CCP110: variants seen among roughly 807,000 people sequenced by gnomAD.
The protein encoded by CCP110 is centriolar coiled-coil protein 110.
In CCP110, 43 loss-of-function variants were observed where a neutral mutation model predicts 105.5. That is an observed-to-expected ratio of 0.41 (90% CI 0.32 to 0.53). CCP110 has a LOEUF of 0.53. CCP110 is among the 20% of genes least tolerant of loss of function. The probability of loss-of-function intolerance (pLI) is 0.32; values close to 1 mark genes in which losing one functional copy is unlikely to be tolerated. For missense variants in CCP110, 1,016 were observed against 1,189.1 expected, an observed-to-expected ratio of 0.85 and a Z score of 2.14; for synonymous variants, 353 against 392.1, an observed-to-expected ratio of 0.90 and a Z score of 1.18.
At chr16:19,530,682 CAA>C (rs796911104) in intron 2 of CCP110, among the ~76,000 whole-genome samples, 1 of 138,606 alleles carries the variant, frequency 7.2e-6, no homozygotes. Context: ...GACCCTCTCT[CAA>C]AAAAAAAAAA....
exon 11 of CCP110, chr16:19,545,875 G>T: frequency 6.2e-7 from 1 of 1,600,572 alleles, no homozygotes; most frequent in Non-Finnish European, 8.6e-7. Flanking sequence ...TCTCTTGATA[G>T]GAAGAAATAC....
Position 19,543,037 on chromosome 16 carries a change from T to G in CCP110, c.2484+43T>G, listed in dbSNP as rs1450715831. On this transcript the variant is annotated intron_variant, in intron 8 of 14. Coordinates refer to ENST00000381396, the Ensembl canonical transcript of CCP110. ...CGTTTGTATTTCACTTCTGTCTTAG[T>G]TTCTATCAGTCTTGTGACAGCTGAG... 3.7e-6 allele frequency: 4 copies of G among 1,094,614 alleles called. No homozygotes were observed. In the African/African-American group the frequency reaches 6.2e-5, roughly 17 times the overall value. 67.8% of individuals were successfully genotyped at this position (1,094,614 alleles called of 1,614,324 possible).
At chr16:19,524,429 G>T (rs571990339) in intron 1 of CCP110, among the ~76,000 whole-genome samples, 62 of 152,242 alleles carry the variant, frequency 4.1e-4, no homozygotes, top group Non-Finnish European at 8.7e-4. Context: ...CCCCATCGTG[G>T]TGATCAAATT....
At position 19,550,232 on chromosome 16, in the gene CCP110, A is replaced by C. The variant is rs1242361281; in HGVS notation, c.2987-964A>C. 2.0e-5 allele frequency among the ~76,000 whole-genome samples: 3 copies of C among 151,822 alleles called. No individual in the cohort carries two copies. The East Asian group carries it at 5.8e-4, about 29-fold the overall frequency. Reference sequence around the variant, plus strand: ...ATTGGTGTGATCTTGGCTCACTGCAATCTCCACCTCCTGGGTTCAAGCCAT... The same window carrying C: ...ATTGGTGTGATCTTGGCTCACTGCACTCTCCACCTCCTGGGTTCAAGCCAT... On this transcript the variant is annotated intron_variant, in intron 14 of 14. Transcript: ENST00000381396.
chr16:19,537,678 T>C, intron 4 of CCP110, 91 bp downstream of exon 4: 1 of 677,412 alleles, frequency 1.5e-6, no homozygotes. Context: ...AAGTGGTCTT[T>C]ATTCATATGG....
chr16:19,550,017 C>T (rs1455905788), intron 14 of CCP110, among the ~76,000 whole-genome samples: 1 of 152,176 alleles, frequency 6.6e-6, no homozygotes, highest in African/African-American at 2.4e-5. Flanking sequence ...TTGCAACATA[C>T]TTATTAATAC....
intron 2 of CCP110, among the ~76,000 whole-genome samples, chr16:19,528,758 G>C (rs1969762470): frequency 6.6e-6 from 1 of 152,124 alleles, no homozygotes; most frequent in South Asian, 2.1e-4. Context: ...AATTAGCCTG[G>C]CGCAGTGACA....
At chr16:19,541,271 G>C (rs200167211) in intron 5 of CCP110, among the ~76,000 whole-genome samples, 1 of 121,098 alleles carries the variant, frequency 8.3e-6, no homozygotes, top group Non-Finnish European at 1.8e-5. Context: ...TCTATAAAAA[G>C]AAAAAAAAAA....
At chr16:19,540,956 T>C (rs1273871453) in intron 5 of CCP110, among the ~76,000 whole-genome samples, 169 bp downstream of exon 5, 1 of 152,238 alleles carries the variant, frequency 6.6e-6, no homozygotes, top group Non-Finnish European at 1.5e-5. Context: ...AATTTTGATA[T>C]TTAGATCCTT....
chr16:19,529,663 T>C (rs1403333441), intron 2 of CCP110, among the ~76,000 whole-genome samples: 1 of 152,208 alleles, frequency 6.6e-6, no homozygotes, highest in Non-Finnish European at 1.5e-5. Flanking sequence ...TGTACATCTC[T>C]TAAAAATAAG....
exon 4 of CCP110, chr16:19,536,951 T>C: frequency 6.2e-7 from 1 of 1,614,226 alleles, no homozygotes. Flanking sequence ...TATGCCAAAG[T>C]TACCAACTGA....
chr16:19,528,177 T>C lies in CCP110; in HGVS notation c.141+155T>C, dbSNP rs560655648. The C allele has an allele frequency of 6.7e-4, 426 of 634,374 alleles. 4 individuals are homozygous for C. Among genetic ancestry groups the C allele is most frequent in the Non-Finnish European group, 5.1e-5 (20 of 394,540 alleles). The allele number at this position is 634,374 out of a possible 1,614,324, so 39.3% of individuals were successfully genotyped here. Reference sequence around the variant, plus strand: ...AATTAGCATTTTTTACTTACTATTATAGATTGGCCAAGACCTAATAGAACT... The same window carrying C: ...AATTAGCATTTTTTACTTACTATTACAGATTGGCCAAGACCTAATAGAACT... On this transcript the variant is annotated intron_variant, in intron 2 of 14. Transcript: ENST00000381396.
chr16:19,527,722 A>G (rs1969721618), intron 1 of CCP110, 145 bp from the exon 2 acceptor site: 2 of 464,336 alleles, frequency 4.3e-6, no homozygotes, highest in Non-Finnish European at 7.4e-6. Context: ...CCCAAGAATT[A>G]GCTCCTGATC....
chr16:19,544,195 A>G (rs1055639656), intron 8 of CCP110, among the ~76,000 whole-genome samples: 1 of 152,208 alleles, frequency 6.6e-6, no homozygotes, highest in African/African-American at 2.4e-5. Context: ...CACTTATGAA[A>G]AATAGAAAGA....
chr16:19,523,997 G>C (rs1969574702), exon 1 of CCP110: 1 of 154,088 alleles, frequency 6.5e-6, no homozygotes, highest in African/African-American at 2.4e-5. Flanking sequence ...GCGGCGGACC[G>C]AGCTGCGCTC....
chr16:19,542,975 A>T (rs749562029), exon 8 of CCP110: 1 of 1,566,700 alleles, frequency 6.4e-7, no homozygotes, highest in Non-Finnish European at 8.8e-7. Context: ...AAGCTGAAGC[A>T]ACTTCGACAA....
intron 10 of CCP110, 98 bp downstream of exon 10, chr16:19,545,308 A>C (rs927747221): frequency 3.4e-6 from 2 of 594,312 alleles, no homozygotes; most frequent in Non-Finnish European, 5.9e-6. Context: ...TTCTTCTGAT[A>C]ATTCTTAAGC....
At chr16:19,543,711 T>G (rs1004151378) in intron 8 of CCP110, among the ~76,000 whole-genome samples, 1 of 151,820 alleles carries the variant, frequency 6.6e-6, no homozygotes, top group African/African-American at 2.4e-5. Flanking sequence ...TGGGGGGAGG[T>G]ATATAAACGG....
Position 19,532,639 on chromosome 16 carries a change from C to A in CCP110, c.270+95C>A, listed in dbSNP as rs575267806. ...AAATATATTTGCACTTAACTAATTA[C>A]TAATGTACTTTACTGTTACGTTTGA... On this transcript the variant is annotated intron_variant, in intron 3 of 14. Coordinates refer to ENST00000381396, the Ensembl canonical transcript of CCP110. 30 of 980,720 alleles carry A rather than the reference C, an allele frequency of 3.1e-5. No individual in the cohort carries two copies. In the East Asian group the frequency reaches 7.6e-4, roughly 25 times the overall value. The allele number at this position is 980,720 out of a possible 1,614,324, so 60.8% of individuals were successfully genotyped here. A position where few individuals can be genotyped will look rare whatever the true frequency, so the allele number is the denominator to read the frequency against.
Sources: gnomAD v4.1 joint callset for allele counts (sites outside exome capture counted in the v4.1 genomes callset) on GRCh38, gnomAD v4.1.1 for gene constraint, MANE v1.5 for transcripts, NCBI Gene and HGNC (gene_info 2026-07-23, HGNC 2026-07-21) for gene names.